Variants in MYO5B observed in about 807,000 individuals in gnomAD.
MYO5B encodes myosin VB.
Under a neutral mutation model 229.3 loss-of-function variants are expected in MYO5B, and 143 were observed. The ratio of observed to expected loss-of-function variants is 0.62; its 90% CI spans 0.54 to 0.72. The LOEUF is 0.72. Ranked by LOEUF, MYO5B falls within the 30% of genes least tolerant of loss-of-function variation. The pLI, the probability that MYO5B is intolerant of heterozygous loss-of-function variation, is 0.00. For missense variants in MYO5B, 2,321 were observed against 2,331.0 expected, an observed-to-expected ratio of 1.00 and a Z score of 0.09; for synonymous variants, 918 against 885.2, an observed-to-expected ratio of 1.04 and a Z score of -0.66.
chr18:50,064,471 T>C (rs773936029), intron 1 of MYO5B: 6 of 152,144 alleles, frequency 3.9e-5, no homozygotes, highest in African/African-American at 7.2e-5. Flanking sequence ...CTGTCAAACC[T>C]CCCTAAACAG....
chr18:50,088,375 A>C (rs11873766), intron 1 of MYO5B, among the ~76,000 whole-genome samples: 5,755 of 152,274 alleles, frequency 0.038, 359 homozygotes, highest in African/African-American at 0.13. Context: ...CACAGGAAAA[A>C]TAGGTGATGT....
At chr18:49,832,029 A>G (rs1251620486) in intron 39 of MYO5B, among the ~76,000 whole-genome samples, 2 of 152,236 alleles carry the variant, frequency 1.3e-5, no homozygotes, top group Non-Finnish European at 2.9e-5. Flanking sequence ...TAGAATTTAC[A>G]TATAGAAGCC....
chr18:49,979,320 C>T (rs1403960485), intron 9 of MYO5B, among the ~76,000 whole-genome samples: 2 of 152,226 alleles, frequency 1.3e-5, no homozygotes, highest in African/African-American at 4.8e-5. Flanking sequence ...GACAGGGGAG[C>T]TTCAAGGCTC....
chr18:49,974,251 G>A, intron 10 of MYO5B, 99 bp downstream of exon 10: 1 of 1,559,400 alleles, frequency 6.4e-7, no homozygotes, highest in Non-Finnish European at 8.8e-7. Context: ...CCTAAGTTGA[G>A]AACCACCAGG....
intron 8 of MYO5B, among the ~76,000 whole-genome samples, chr18:49,982,972 A>G (rs2025832378): frequency 6.6e-6 from 1 of 152,204 alleles, no homozygotes; most frequent in South Asian, 2.1e-4. Context: ...CAGCACTACA[A>G]GGGCAGCTGC....
intron 17 of MYO5B, 79 bp downstream of exon 17, chr18:49,929,431 TAC>T: frequency 8.7e-7 from 1 of 1,153,888 alleles, no homozygotes; most frequent in Non-Finnish European, 1.2e-6. Flanking sequence ...TGGCCGACGG[TAC>T]ACAGAGGGCT....
At chr18:50,121,214 C>T (rs374718111) in intron 1 of MYO5B, among the ~76,000 whole-genome samples, 37 of 152,332 alleles carry the variant, frequency 2.4e-4, no homozygotes, top group Non-Finnish European at 3.8e-4. Context: ...CAGCCCCCAG[C>T]GTGCCCACGT....
intron 1 of MYO5B, among the ~76,000 whole-genome samples, chr18:50,111,281 A>C (rs1302294058): frequency 6.6e-6 from 1 of 152,246 alleles, no homozygotes; most frequent in African/African-American, 2.4e-5. Context: ...CTAGTGTCAA[A>C]AAGTTAAACT....
chr18:49,953,894 ATG>A (rs71169463), intron 13 of MYO5B, among the ~76,000 whole-genome samples: 3,313 of 108,394 alleles, frequency 0.031, 111 homozygotes, highest in African/African-American at 0.064. Context: ...ATATACATAT[ATG>A]TGTGTGTGTG....
chr18:49,904,227 T>G (rs147980786), intron 20 of MYO5B, among the ~76,000 whole-genome samples: 1 of 152,246 alleles, frequency 6.6e-6, no homozygotes, highest in African/African-American at 2.4e-5. Flanking sequence ...AATGCCCTTC[T>G]TCAAGGGTGA....
rs1321198871 is a variant in MYO5B at position 49,879,051 on chromosome 18, T to C, written c.3170A>G (p.Lys1057Arg). Residue 1057 changes from lysine (K) to arginine (R), a missense_variant, in exon 24 of 40, where the codon AAG becomes AGG. Physicochemically the swap from Lys to Arg is conservative, Grantham distance 26. Around this residue, in one of 2 missense-constraint regions of MYO5B, gnomAD observed 2,113 missense variants for 2,044.7 expected, o/e 1.03. Coordinates refer to ENST00000285039, the MANE Select transcript of MYO5B (RefSeq NM_001080467.3). ...GGATCGCTCCTCCTCCAGTTCTTTC[T>C]TCATGAGATTTTCCTTCACAGAGTT... ...AQNSVKENLM[K>R]KELEEERSRY... The C allele has an allele frequency of 6.3e-6, 10 of 1,586,450 alleles. No homozygotes were observed. Among genetic ancestry groups the C allele is most frequent in the Admixed American group, 3.4e-5 (2 of 58,482 alleles).
Position 49,929,608 on chromosome 18 carries a change from G to GATAA in MYO5B, c.2004-11_2004-10insTTAT. 7.1e-7 allele frequency: 1 copy of GATAA among 1,409,488 alleles called. No individual in the cohort carries two copies. Among genetic ancestry groups the GATAA allele is most frequent in the Non-Finnish European group, 9.3e-7 (1 of 1,078,112 alleles). 87.3% of individuals were successfully genotyped at this position (1,409,488 alleles called of 1,614,324 possible). A position where few individuals can be genotyped will look rare whatever the true frequency, so the allele number is the denominator to read the frequency against. ...TCTCTTTGGGTCAAAGCTGCCAAAGGAGAAAAAAAAAAAAAAAAGCAAGAC... is the reference window on the plus strand; with the variant it reads ...TCTCTTTGGGTCAAAGCTGCCAAAGGATAAAGAAAAAAAAAAAAAAAAGCAAGAC... On this transcript the variant is annotated splice_polypyrimidine_tract_variant and intron_variant, in intron 16 of 39. Coordinates refer to ENST00000285039, the MANE Select transcript of MYO5B (RefSeq NM_001080467.3).
intron 17 of MYO5B, among the ~76,000 whole-genome samples, chr18:49,916,459 T>G (rs1192737454): frequency 1.3e-5 from 2 of 152,156 alleles, no homozygotes; most frequent in African/African-American, 4.8e-5. Context: ...CCACAGGGCT[T>G]TAGTAGCCAG....
At chr18:50,084,108 C>T (rs544071268) in intron 1 of MYO5B, among the ~76,000 whole-genome samples, 1 of 152,238 alleles carries the variant, frequency 6.6e-6, no homozygotes, top group South Asian at 2.1e-4. Context: ...TATCTGGCAC[C>T]TAGTTGCTAA....
rs2024464822 is a variant in MYO5B at position 49,872,315 on chromosome 18, C to T, written c.3538-83G>A. The T allele has an allele frequency of 1.2e-5, 16 of 1,383,962 alleles. No individual in the cohort carries two copies. In the Admixed American group the frequency reaches 2.7e-4, roughly 23 times the overall value. The allele number at this position is 1,383,962 out of a possible 1,614,324, so 85.7% of individuals were successfully genotyped here. A position where few individuals can be genotyped will look rare whatever the true frequency, so the allele number is the denominator to read the frequency against. On this transcript the variant is annotated intron_variant, in intron 26 of 39. Transcript: ENST00000285039. Reference sequence around the variant, plus strand: ...GTGTTTCCAACTGTGGTCAAACTTGCTCATCCTGCCTGTGCGTGAATACCC... The same window carrying T: ...GTGTTTCCAACTGTGGTCAAACTTGTTCATCCTGCCTGTGCGTGAATACCC...
At chr18:50,184,069 T>C (rs2033113549) in intron 1 of MYO5B, among the ~76,000 whole-genome samples, 1 of 152,142 alleles carries the variant, frequency 6.6e-6, no homozygotes, top group African/African-American at 2.4e-5. Context: ...AATTACCTAG[T>C]CTCGGGTATT....
intron 1 of MYO5B, among the ~76,000 whole-genome samples, chr18:50,186,859 C>A (rs1186958126): frequency 6.6e-6 from 1 of 152,108 alleles, no homozygotes; most frequent in Non-Finnish European, 1.5e-5. Flanking sequence ...AGGGTGTCCA[C>A]CTCAAGATCA....
intron 18 of MYO5B, among the ~76,000 whole-genome samples, 190 bp from the exon 19 acceptor site, chr18:49,906,820 C>T (rs981577002): frequency 6.6e-6 from 1 of 152,170 alleles, no homozygotes; most frequent in Non-Finnish European, 1.5e-5. Flanking sequence ...GACTCTAGAA[C>T]ATGGCAGTGA....
chr18:49,931,770 C>G (rs2025195625), intron 16 of MYO5B, among the ~76,000 whole-genome samples: 1 of 152,206 alleles, frequency 6.6e-6, no homozygotes, highest in South Asian at 2.1e-4. Flanking sequence ...CCCCTGCTCA[C>G]AGGCTCTCAC....
Sources: gnomAD v4.1 joint callset for allele counts (sites outside exome capture counted in the v4.1 genomes callset) on GRCh38, gnomAD v4.1.1 for gene constraint, gnomAD v4.1.1 regional missense constraint, MANE v1.5 for transcripts, NCBI Gene and HGNC (gene_info 2026-07-23, HGNC 2026-07-21) for gene names.